Variants in ANGPT1 observed in about 807,000 individuals in gnomAD.
ANGPT1 encodes the protein angiopoietin 1, also known as angiopoietin-1.
In ANGPT1, 17 loss-of-function variants were observed where a neutral mutation model predicts 62.2. The ratio of observed to expected loss-of-function variants is 0.27; its 90% CI spans 0.19 to 0.41. The LOEUF (loss-of-function observed/expected upper bound fraction) is 0.41, where lower values mean the gene tolerates loss of function less well. Among genes scored for constraint, ANGPT1 ranks in the 10% least tolerant of loss-of-function variants. The pLI, the probability that ANGPT1 is intolerant of heterozygous loss-of-function variation, is 1.00. For missense variants in ANGPT1, 478 were observed against 594.9 expected, an observed-to-expected ratio of 0.80 and a Z score of 2.04; for synonymous variants, 199 against 198.9, an observed-to-expected ratio of 1.00 and a Z score of 0.00.
intron 1 of ANGPT1, among the ~76,000 whole-genome samples, chr8:107,374,369 C>A (rs1281441551): frequency 3.3e-5 from 5 of 152,178 alleles, no homozygotes; most frequent in African/African-American, 1.2e-4. Context: ...TGGCAGTTCT[C>A]ATGAGGAAAT....
intron 6 of ANGPT1, among the ~76,000 whole-genome samples, chr8:107,286,375 A>G (rs994641992): frequency 3.9e-5 from 6 of 152,140 alleles, no homozygotes; most frequent in Non-Finnish European, 5.9e-5. Flanking sequence ...TGGAACTCTA[A>G]AAGACTGGGA....
chr8:107,372,849 A>C (rs529112665), intron 1 of ANGPT1, among the ~76,000 whole-genome samples: 2 of 151,506 alleles, frequency 1.3e-5, no homozygotes, highest in East Asian at 3.9e-4. Flanking sequence ...CAAGCAGAAG[A>C]CGTGAGCGTG....
intron 2 of ANGPT1, among the ~76,000 whole-genome samples, chr8:107,336,868 A>T (rs1586236183): frequency 6.6e-6 from 1 of 152,214 alleles, no homozygotes; most frequent in Admixed American, 6.5e-5. Context: ...CAATATCTGT[A>T]AGTGCACGTT....
Position 107,251,950 on chromosome 8 carries a change from G to A in ANGPT1, c.1402C>T (p.His468Tyr), listed in dbSNP as rs1262732643. The change falls in exon 9 of 9, where the codon CAT becomes TAT. Residue 468 changes from histidine to tyrosine, a missense_variant. By Grantham distance (83) the His-to-Tyr change is moderately conservative (BLOSUM62 2). Transcript: ENST00000517746. ...NGMFYTAGQNHGKLNGIKWHY... is the reference protein window; with the variant it reads ...NGMFYTAGQNYGKLNGIKWHY... ...CACTTTATCCCATTCAGTTTTCCAT[G>A]GTTTTGTCCCGCAGTATAGAACATT... 8.7e-6 allele frequency: 14 copies of A among 1,613,886 alleles called. No individual in the cohort carries two copies. Among genetic ancestry groups the A allele is most frequent in the Non-Finnish European group, 1.2e-5 (14 of 1,179,870 alleles).
chr8:107,392,187 CT>C, intron 1 of ANGPT1, among the ~76,000 whole-genome samples: 1 of 152,202 alleles, frequency 6.6e-6, no homozygotes, highest in South Asian at 2.1e-4. Context: ...TGAGGATAAT[CT>C]TGTATATAAT....
intron 1 of ANGPT1, among the ~76,000 whole-genome samples, chr8:107,469,164 G>A (rs1053853336): frequency 1.3e-5 from 2 of 151,996 alleles, no homozygotes; most frequent in Admixed American, 6.6e-5. Flanking sequence ...GACTTCCAAG[G>A]ACCAGTCTCT....
intron 1 of ANGPT1, among the ~76,000 whole-genome samples, chr8:107,454,893 T>C (rs1299466676): frequency 6.6e-6 from 1 of 152,088 alleles, no homozygotes; most frequent in Non-Finnish European, 1.5e-5. Context: ...GAGATCTGTC[T>C]AAGAGGTGGA....
intron 1 of ANGPT1, among the ~76,000 whole-genome samples, chr8:107,357,110 A>C (rs1318193949): frequency 6.6e-6 from 1 of 152,172 alleles, no homozygotes; most frequent in Non-Finnish European, 1.5e-5. Context: ...ATTTTCTTAA[A>C]GATCCATTTA....
intron 1 of ANGPT1, among the ~76,000 whole-genome samples, chr8:107,395,675 T>C (rs1816921136): frequency 6.6e-6 from 1 of 152,308 alleles, no homozygotes; most frequent in South Asian, 2.1e-4. Context: ...CACTTCTATA[T>C]GTTAGGAAAT....
chr8:107,338,527 A>G (rs1042307914), intron 2 of ANGPT1, among the ~76,000 whole-genome samples: 1 of 152,364 alleles, frequency 6.6e-6, no homozygotes, highest in East Asian at 1.9e-4. Context: ...TTAAACTGCT[A>G]TGACTCATTT....
At chr8:107,358,105 G>A (rs779335646) in intron 1 of ANGPT1, among the ~76,000 whole-genome samples, 5 of 152,122 alleles carry the variant, frequency 3.3e-5, no homozygotes, top group African/African-American at 9.7e-5. Context: ...ATGTGTATGC[G>A]TGTGTTTTCT....
At chr8:107,360,712 T>C (rs1284193760) in intron 1 of ANGPT1, among the ~76,000 whole-genome samples, 1 of 152,124 alleles carries the variant, frequency 6.6e-6, no homozygotes, top group Non-Finnish European at 1.5e-5. Flanking sequence ...TTGCCATCAT[T>C]AAGCGGGAAA....
At chr8:107,356,737 C>A (rs1484052409) in intron 1 of ANGPT1, among the ~76,000 whole-genome samples, 1 of 152,182 alleles carries the variant, frequency 6.6e-6, no homozygotes, top group Non-Finnish European at 1.5e-5. Flanking sequence ...CTGCTTACCT[C>A]CTGAAATGTG....
rs529466579 is a variant in ANGPT1, at chr8:107,470,200, A to G, written c.297+27062T>C. On this transcript the variant is annotated intron_variant, in intron 1 of 8. Coordinates refer to ENST00000517746, the MANE Select transcript of ANGPT1 (RefSeq NM_001146.5). The stretch of plus-strand genomic sequence containing the variant: ...TGATATAGTTCTGATTTCTTGTTAT[A>G]GTACAATATGTAGCCCTTTTAATGA... Among the ~76,000 whole-genome samples, 24 of 152,214 alleles carry G rather than the reference A, an allele frequency of 1.6e-4. No individual in the cohort carries two copies. In the South Asian group the frequency reaches 5.0e-3, roughly 32 times the overall value.
At chr8:107,308,228 T>A (rs1043277789) in intron 4 of ANGPT1, among the ~76,000 whole-genome samples, 1 of 152,124 alleles carries the variant, frequency 6.6e-6, no homozygotes, top group African/African-American at 2.4e-5. Flanking sequence ...GCTATACCCA[T>A]GATTAGTAAC....
intron 1 of ANGPT1, among the ~76,000 whole-genome samples, chr8:107,445,081 GC>G (rs765307035): frequency 3.3e-4 from 51 of 152,256 alleles, no homozygotes; most frequent in Non-Finnish European, 6.5e-4. Flanking sequence ...CTCTCACTTT[GC>G]ATTTTCTACA....
At chr8:107,400,891 A>T (rs1386079324) in intron 1 of ANGPT1, among the ~76,000 whole-genome samples, 1 of 152,052 alleles carries the variant, frequency 6.6e-6, no homozygotes, top group Non-Finnish European at 1.5e-5. Flanking sequence ...TTGAAATGTA[A>T]AGATTTACAC....
Position 107,491,673 on chromosome 8 carries a change from T to A in ANGPT1, c.297+5589A>T, listed in dbSNP as rs890685852. ...AACAAGAAGGCCAATGTCACTTGAGTGTCTGGAATGTCGTTTGAAGGTAGT... is the reference window on the plus strand; with the variant it reads ...AACAAGAAGGCCAATGTCACTTGAGAGTCTGGAATGTCGTTTGAAGGTAGT... On this transcript the variant is annotated intron_variant, in intron 1 of 8. Coordinates refer to ENST00000517746, the MANE Select transcript of ANGPT1 (RefSeq NM_001146.5). Among the ~76,000 whole-genome samples, 3 of 152,040 alleles carry A rather than the reference T, an allele frequency of 2.0e-5. No individual in the cohort carries two copies. In the South Asian group the frequency reaches 6.2e-4, roughly 32 times the overall value.
intron 1 of ANGPT1, among the ~76,000 whole-genome samples, chr8:107,452,620 A>G (rs1488031693): frequency 6.6e-6 from 1 of 152,078 alleles, no homozygotes; most frequent in Admixed American, 6.6e-5. Flanking sequence ...TGATGGCCAT[A>G]TATTTAATCA....
Sources: gnomAD v4.1 joint callset for allele counts (sites outside exome capture counted in the v4.1 genomes callset) on GRCh38, gnomAD v4.1.1 for gene constraint, MANE v1.5 for transcripts, NCBI Gene and HGNC (gene_info 2026-07-23, HGNC 2026-07-21) for gene names.